DLG5: variants seen among roughly 807,000 people sequenced by gnomAD.
The protein encoded by DLG5 is discs large MAGUK scaffold protein 5.
In DLG5, 48 loss-of-function variants were observed where a neutral mutation model predicts 189.8. The observed-to-expected ratio is 0.25, with a 90% CI of 0.20 to 0.32. The LOEUF (loss-of-function observed/expected upper bound fraction) is 0.32, where lower values mean the gene tolerates loss of function less well. Among genes scored for constraint, DLG5 ranks in the 10% least tolerant of loss-of-function variants. The pLI is 1.00. For synonymous variants in DLG5, 1,016 were observed against 1,054.1 expected (o/e 0.96, Z 0.70); for missense variants, 2,160 against 2,544.7 (o/e 0.85, Z 3.25).
chr10:77,892,951 G>GTAC (rs1845653308), intron 1 of DLG5, among the ~76,000 whole-genome samples: 1 of 152,244 alleles, frequency 6.6e-6, no homozygotes, highest in Admixed American at 6.5e-5. Flanking sequence ...AACGCAGTAG[G>GTAC]TACTGGGTCA....
chr10:77,905,178 T>C (rs1190542806), intron 1 of DLG5, among the ~76,000 whole-genome samples: 3 of 152,008 alleles, frequency 2.0e-5, no homozygotes, highest in Non-Finnish European at 4.4e-5. Flanking sequence ...TTAAAAATAT[T>C]TTCATAGAGA....
intron 13 of DLG5, among the ~76,000 whole-genome samples, chr10:77,828,242 T>C (rs1408393154): frequency 1.3e-5 from 2 of 152,040 alleles, no homozygotes; most frequent in Non-Finnish European, 2.9e-5. Context: ...TCCCAGAACT[T>C]TGGGAAGCCA....
chr10:77,807,698 G>A, intron 25 of DLG5, 98 bp downstream of exon 25: 1 of 1,411,602 alleles, frequency 7.1e-7, no homozygotes, highest in Non-Finnish European at 9.7e-7. Flanking sequence ...CCAGCCTTGG[G>A]GGGCAAGAAA....
intron 17 of DLG5, 116 bp from the exon 18 acceptor site, chr10:77,818,005 G>A: frequency 1.2e-6 from 1 of 810,832 alleles, no homozygotes; most frequent in Non-Finnish European, 1.9e-6. Flanking sequence ...GGAGGCCCAG[G>A]AGCCACTGAT....
rs1231762225 is a variant in DLG5, at chr10:77,852,476, C to T, written c.864+878G>A. 1.2e-4 allele frequency among the ~76,000 whole-genome samples: 19 copies of T among 152,276 alleles called. No homozygotes were observed. The East Asian group carries it at 2.1e-3, about 17-fold the overall frequency. On this transcript the variant is annotated intron_variant, in intron 5 of 31. Coordinates refer to ENST00000372391, the MANE Select transcript of DLG5 (RefSeq NM_004747.4). The stretch of plus-strand genomic sequence containing the variant: ...TGTCACCCAGGCTGGAGTGCAGTGG[C>T]GCAATCTTGGCTCACCGCATGCTCT...
chr10:77,858,221 C>T (rs574583070), intron 2 of DLG5, among the ~76,000 whole-genome samples: 1 of 152,146 alleles, frequency 6.6e-6, no homozygotes, highest in Admixed American at 6.5e-5. Flanking sequence ...TGCCACATAA[C>T]AACGTTTCAG....
At chr10:77,913,167 G>A (rs2131842346) in intron 1 of DLG5, among the ~76,000 whole-genome samples, 1 of 152,296 alleles carries the variant, frequency 6.6e-6, no homozygotes, top group Non-Finnish European at 1.5e-5. Context: ...TCAGCCCTCT[G>A]AGGAAACCAT....
At chr10:77,852,195 A>G (rs1844011412) in intron 5 of DLG5, among the ~76,000 whole-genome samples, 1 of 151,854 alleles carries the variant, frequency 6.6e-6, no homozygotes, top group Non-Finnish European at 1.5e-5. Flanking sequence ...ACATGGTGAA[A>G]CCCTCTCTCT....
chr10:77,933,274 T>G, the DLG5 span, among the ~76,000 whole-genome samples: 2 of 152,046 alleles, frequency 1.3e-5, no homozygotes, highest in African/African-American at 4.8e-5. Flanking sequence ...TTTGGGTTTT[T>G]GTTTTTGTTT....
rs145205956 is a variant in DLG5, at chr10:77,837,978, G to A, written c.1438-2056C>T. 8.5e-5 allele frequency among the ~76,000 whole-genome samples: 13 copies of A among 152,310 alleles called. No individual in the cohort carries two copies. In the East Asian group the frequency reaches 2.1e-3, roughly 25 times the overall value. ...AGAGTCCCAGGGGAGGATGGGGCCCGAGTGTGGAGTGGTGCCCCTGAGCAG... is the reference window on the plus strand; with the variant it reads ...AGAGTCCCAGGGGAGGATGGGGCCCAAGTGTGGAGTGGTGCCCCTGAGCAG... On this transcript the variant is annotated intron_variant, in intron 7 of 31. Transcript: ENST00000372391.
At chr10:77,802,625 C>T (rs539652410) in intron 27 of DLG5, among the ~76,000 whole-genome samples, 2 of 152,340 alleles carry the variant, frequency 1.3e-5, no homozygotes, top group East Asian at 3.9e-4. Flanking sequence ...GTGCCTTGCG[C>T]CTGTAATCCC....
At position 77,830,731 on chromosome 10, in the gene DLG5, G is replaced by A; in HGVS notation, c.1881+10C>T. 6.2e-7 allele frequency: 1 copy of A among 1,606,360 alleles called. No individual in the cohort carries two copies. Among genetic ancestry groups the A allele is most frequent in the East Asian group, 2.2e-5 (1 of 44,888 alleles). On this transcript the variant is annotated intron_variant, in intron 10 of 31. Transcript: ENST00000372391. ...AGAGAAGGAGAGAAGAACCATCAGA[G>A]GCAGCTTACCGTCTCCCTCTCGAAC...
At chr10:77,869,221 T>TTACTAACCCCAAGGGGTCAGTG (rs776945198) in intron 1 of DLG5, 24 bp from the exon 2 acceptor site, 1 of 1,611,134 alleles carries the variant, frequency 6.2e-7, no homozygotes, top group Non-Finnish European at 8.5e-7. Context: ...GGAGACCATG[T>TTACTAACCCCAAGGGGTCAGTG]TACTAACCCC....
At chr10:77,910,987 GAAAAAAA>G (rs55832630) in intron 1 of DLG5, among the ~76,000 whole-genome samples, 61 of 84,270 alleles carry the variant, frequency 7.2e-4, no homozygotes, top group Admixed American at 3.5e-3. Context: ...CTGTCTGAAG[GAAAAAAA>G]AAAAAAAAAA....
the DLG5 span, among the ~76,000 whole-genome samples, chr10:77,937,009 T>C: frequency 5.0e-4 from 76 of 151,988 alleles, no homozygotes; most frequent in Non-Finnish European, 9.9e-4. Context: ...AAGCAGATTA[T>C]CTCCTGGTCA....
chr10:77,858,682 T>C (rs1420860653), intron 2 of DLG5, among the ~76,000 whole-genome samples: 3 of 152,216 alleles, frequency 2.0e-5, no homozygotes, highest in Non-Finnish European at 4.4e-5. Flanking sequence ...GAAAAATTCC[T>C]GTCACCTAAT....
At chr10:77,805,577 C>T in intron 27 of DLG5, 88 bp downstream of exon 27, 1 of 1,435,296 alleles carries the variant, frequency 7.0e-7, no homozygotes, top group Non-Finnish European at 9.4e-7. Flanking sequence ...GTAAGACTCT[C>T]TTTTGTTTAA....
At chr10:77,906,797 A>C (rs745965980) in intron 1 of DLG5, among the ~76,000 whole-genome samples, 38 of 151,412 alleles carry the variant, frequency 2.5e-4, no homozygotes, top group Non-Finnish European at 4.0e-4. Context: ...GCTAATTTTT[A>C]TATTTTTCAG....
In DLG5 at chr10:77,819,920, C is replaced by A. The variant is rs757597145; in HGVS notation, c.3501G>T (p.Pro1167=). 2 of 1,599,312 alleles carry A rather than the reference C, an allele frequency of 1.3e-6. No individual in the cohort carries two copies. Among genetic ancestry groups the A allele is most frequent in the East Asian group, 2.2e-5 (1 of 44,556 alleles). ...PGHSSRHSNP[P]LYPSRPSVGT... is the part of the protein sequence containing the mutation. Reference sequence around the variant, plus strand: ...CCACAGACGGCCTGCTAGGGTATAGCGGGGGGTTGCTGTGCCGGCTGGAAT... The same window carrying A: ...CCACAGACGGCCTGCTAGGGTATAGAGGGGGGTTGCTGTGCCGGCTGGAAT... Residue 1167 remains proline, a synonymous_variant, in exon 16 of 32, where the codon CCG becomes CCT. Transcript: ENST00000372391.
Sources: gnomAD v4.1 joint callset for allele counts (sites outside exome capture counted in the v4.1 genomes callset) on GRCh38, gnomAD v4.1.1 for gene constraint, MANE v1.5 for transcripts, NCBI Gene and HGNC (gene_info 2026-07-23, HGNC 2026-07-21) for gene names.